The following ROBO1 variants were observed in gnomAD, a reference collection of about 807,000 sequenced individuals.
The protein encoded by ROBO1 is roundabout guidance receptor 1, also known as roundabout homolog 1.
Under a neutral mutation model 195.9 loss-of-function variants are expected in ROBO1, and 149 were observed. That is an observed-to-expected ratio of 0.76 (90% CI 0.67 to 0.87). The LOEUF is 0.87. Among genes scored for constraint, ROBO1 ranks in the 40% least tolerant of loss-of-function variants. ROBO1 has a pLI of 0.00. For missense variants in ROBO1, 1,933 were observed against 2,068.3 expected, an observed-to-expected ratio of 0.93 and a Z score of 1.27; for synonymous variants, 816 against 733.2, an observed-to-expected ratio of 1.11 and a Z score of -1.82.
At chr3:78,696,747 T>C (rs1022012242) in intron 8 of ROBO1, among the ~76,000 whole-genome samples, 4 of 147,564 alleles carry the variant, frequency 2.7e-5, no homozygotes, top group South Asian at 4.2e-4. Context: ...CATATATATA[T>C]ACACATATAT....
chr3:78,876,679 C>T (rs552693911), intron 4 of ROBO1, among the ~76,000 whole-genome samples: 7 of 152,242 alleles, frequency 4.6e-5, no homozygotes, highest in Admixed American at 6.5e-5. Context: ...TACAGCTGTC[C>T]GATGACAACC....
chr3:79,260,681 G>A (rs1049614336), intron 2 of ROBO1, among the ~76,000 whole-genome samples: 3 of 152,056 alleles, frequency 2.0e-5, no homozygotes, highest in African/African-American at 7.2e-5. Flanking sequence ...CTGTTCAATG[G>A]GATGAGTCTG....
chr3:79,310,448 T>A (rs532823486), intron 2 of ROBO1, among the ~76,000 whole-genome samples: 42 of 152,300 alleles, frequency 2.8e-4, no homozygotes, highest in African/African-American at 9.4e-4. Flanking sequence ...AGAATGGAAG[T>A]CTATGCTGCT....
At chr3:79,002,248 T>C (rs1417738156) in intron 3 of ROBO1, among the ~76,000 whole-genome samples, 2 of 152,134 alleles carry the variant, frequency 1.3e-5, no homozygotes, top group Admixed American at 1.3e-4. Flanking sequence ...ACACTCAAGT[T>C]GGCAGCATTG....
intron 4 of ROBO1, among the ~76,000 whole-genome samples, chr3:78,904,321 A>G (rs2037762979): frequency 6.6e-6 from 1 of 152,156 alleles, no homozygotes; most frequent in Non-Finnish European, 1.5e-5. Flanking sequence ...CAATACTAAA[A>G]GGAACATATA....
At chr3:78,782,038 A>G (rs2083691771) in intron 4 of ROBO1, among the ~76,000 whole-genome samples, 2 of 152,128 alleles carry the variant, frequency 1.3e-5, no homozygotes, top group South Asian at 4.1e-4. Flanking sequence ...TAGCCTGCTC[A>G]TTTTGCTAGG....
At chr3:79,031,167 G>A (rs1391768171) in intron 3 of ROBO1, among the ~76,000 whole-genome samples, 1 of 152,176 alleles carries the variant, frequency 6.6e-6, no homozygotes, top group Non-Finnish European at 1.5e-5. Context: ...CATTTATATG[G>A]TGATAATTTC....
intron 4 of ROBO1, among the ~76,000 whole-genome samples, chr3:78,825,778 T>C (rs1044507038): frequency 1.3e-5 from 2 of 152,180 alleles, no homozygotes; most frequent in African/African-American, 4.8e-5. Flanking sequence ...AGTGATATTC[T>C]CTCTGGGACA....
chr3:79,075,999 C>T (rs935648421), intron 3 of ROBO1, among the ~76,000 whole-genome samples: 4 of 151,408 alleles, frequency 2.6e-5, no homozygotes, highest in Non-Finnish European at 5.9e-5. Context: ...CAGATGGCCA[C>T]AAGCCAGAGC....
chr3:79,387,442 G>A lies in ROBO1; in HGVS notation c.88+202382C>T, dbSNP rs1463819635. Reference sequence around the variant, plus strand: ...AATTTGTGTATATATATACATATATGCATGTTATATATAATATATAAAATA... The same window carrying A: ...AATTTGTGTATATATATACATATATACATGTTATATATAATATATAAAATA... On this transcript the variant is annotated intron_variant, in intron 2 of 30. Transcript: ENST00000464233. 3.3e-5 allele frequency among the ~76,000 whole-genome samples: 5 copies of A among 150,088 alleles called. No homozygotes were observed. The East Asian group carries it at 9.7e-4, about 29-fold the overall frequency.
Position 78,945,215 on chromosome 3 carries a change from T to C in ROBO1, c.173-6288A>G, listed in dbSNP as rs933351848. On this transcript the variant is annotated intron_variant, in intron 3 of 30. Coordinates refer to ENST00000464233, the MANE Select transcript of ROBO1 (RefSeq NM_002941.4). ...GCTTGAGATCTGAGAATGGGCAGACTGCCTCCTCAAGTGGGTCCCTGACCC... is the reference window on the plus strand; with the variant it reads ...GCTTGAGATCTGAGAATGGGCAGACCGCCTCCTCAAGTGGGTCCCTGACCC... 4.6e-5 allele frequency among the ~76,000 whole-genome samples: 7 copies of C among 152,320 alleles called. No homozygotes were observed. In the East Asian group the frequency reaches 1.2e-3, roughly 25 times the overall value.
At chr3:79,530,135 T>C (rs1941588847) in intron 2 of ROBO1, among the ~76,000 whole-genome samples, 1 of 152,156 alleles carries the variant, frequency 6.6e-6, no homozygotes, top group African/African-American at 2.4e-5. Context: ...ATAAAACATT[T>C]AACAAAAATA....
intron 1 of ROBO1, among the ~76,000 whole-genome samples, chr3:79,747,924 A>T (rs937749930): frequency 2.6e-5 from 4 of 152,136 alleles, no homozygotes; most frequent in Non-Finnish European, 1.5e-5. Context: ...AATTGTTGGT[A>T]TGACTAAATA....
chr3:78,675,197 C>T lies in ROBO1; in HGVS notation c.1343-4896G>A, dbSNP rs549565034. 9.9e-5 allele frequency among the ~76,000 whole-genome samples: 15 copies of T among 151,490 alleles called. No individual in the cohort carries two copies. The South Asian group carries it at 2.5e-3, about 25-fold the overall frequency. On this transcript the variant is annotated intron_variant, in intron 10 of 30. Transcript: ENST00000464233. ...AAAATCAGCTGGCAGCCAAGATGGC[C>T]GAATAGGAACAGCTCCAGTCTACAG...
chr3:79,217,235 G>T (rs565669145), intron 2 of ROBO1, among the ~76,000 whole-genome samples: 2 of 152,054 alleles, frequency 1.3e-5, no homozygotes, highest in South Asian at 4.2e-4. Flanking sequence ...AACAGCTGCA[G>T]GATTGCCTAA....
intron 4 of ROBO1, among the ~76,000 whole-genome samples, chr3:78,751,257 T>G (rs944301361): frequency 2.6e-5 from 4 of 152,022 alleles, no homozygotes; most frequent in African/African-American, 9.7e-5. Context: ...ATTAATAAAT[T>G]AAGGCTCCTC....
rs532194397 is a variant in ROBO1 at position 79,438,416 on chromosome 3, T to A, written c.88+151408A>T. ...CCAAGTGCGCTTTTGTAAAGTCAAG[T>A]GTGTAATATTAAGATGTACTATTCC... On this transcript the variant is annotated intron_variant, in intron 2 of 30. Transcript: ENST00000464233. 9.6e-4 allele frequency among the ~76,000 whole-genome samples: 146 copies of A among 152,078 alleles called. 1 individual carries two copies. The highest frequency in any genetic ancestry group is 3.4e-3 in the African/African-American group (141 of 41,562).
chr3:78,693,009 T>C lies in ROBO1; in HGVS notation c.1046-4237A>G, dbSNP rs1332672739. ...AACCAAAATCATTCTCTGCATGTAT[T>C]TTTGTTTAATCTTACGATATATATA... On this transcript the variant is annotated intron_variant, in intron 8 of 30. Coordinates refer to ENST00000464233, the MANE Select transcript of ROBO1 (RefSeq NM_002941.4). The C allele has an allele frequency of 1.5e-5, 3 of 203,962 alleles. No individual in the cohort carries two copies. In the East Asian group the frequency reaches 3.2e-4, roughly 22 times the overall value. The allele number at this position is 203,962 out of a possible 1,614,324, so 12.6% of individuals were successfully genotyped here.
intron 1 of ROBO1, among the ~76,000 whole-genome samples, chr3:79,666,436 T>C (rs1946477440): frequency 6.6e-6 from 1 of 151,996 alleles, no homozygotes; most frequent in African/African-American, 2.4e-5. Flanking sequence ...TTTACTGATA[T>C]GATTTGGCTA....
Sources: allele counts gnomAD v4.1 joint callset (sites outside exome capture counted in the v4.1 genomes callset), GRCh38; gene constraint gnomAD v4.1.1; transcripts MANE v1.5; gene names NCBI Gene and HGNC (gene_info 2026-07-23, HGNC 2026-07-21).